ASB2: variants seen among roughly 807,000 people sequenced by gnomAD.
The protein encoded by ASB2 is ankyrin repeat and SOCS box containing 2.
Under a neutral mutation model 62.4 loss-of-function variants are expected in ASB2, and 58 were observed. That is an observed-to-expected ratio of 0.93 (90% CI 0.75 to 1.16). The LOEUF is 1.16. ASB2 is among the 50% of genes most tolerant of loss of function. ASB2 has a pLI of 0.00. For missense variants in ASB2, 928 were observed against 887.9 expected (o/e 1.05, Z -0.57); for synonymous variants, 386 against 385.3 (o/e 1.00, Z -0.02).
At chr14:93,938,832 G>C (rs771746427) in intron 8 of ASB2, among the ~76,000 whole-genome samples, 9 of 152,170 alleles carry the variant, frequency 5.9e-5, no homozygotes, top group Non-Finnish European at 1.0e-4. Flanking sequence ...GCTAACCACC[G>C]GTTCCGCTGC....
chr14:93,942,076 G>C (rs1292704180), intron 7 of ASB2: 1 of 436,244 alleles, frequency 2.3e-6, no homozygotes, highest in Non-Finnish European at 4.7e-6. Context: ...CTATGGGAGC[G>C]GCCACGTTGG....
intron 6 of ASB2, among the ~76,000 whole-genome samples, chr14:93,950,344 T>C (rs796092785): frequency 1.7e-4 from 26 of 152,332 alleles, no homozygotes; most frequent in African/African-American, 5.8e-4. Context: ...AAGTCTGCCA[T>C]GTCTCGTGGT....
intron 4 of ASB2, 172 bp downstream of exon 4, chr14:93,954,145 G>T (rs1889083451): frequency 3.2e-6 from 2 of 615,902 alleles, no homozygotes; most frequent in African/African-American, 3.7e-5. Flanking sequence ...AGGGGGTGGG[G>T]ACAACTCATT....
At position 93,969,667 on chromosome 14, in the gene ASB2, C is replaced by T. The variant is rs147570279; in HGVS notation, c.-73-5055G>A. Among the ~76,000 whole-genome samples, 491 of 152,286 alleles carry T rather than the reference C, an allele frequency of 3.2e-3. 2 individuals carry two copies. The highest frequency in any genetic ancestry group is 0.011 in the African/African-American group (477 of 41,544). ...GCCCTTTCCCAAGGAAAGCAGGAGT[C>T]TAATAGGCCTTGCCCAGCCATCAGG... On this transcript the variant is annotated intron_variant, in intron 1 of 9. Coordinates refer to ENST00000555019, the MANE Select transcript of ASB2 (RefSeq NM_001202429.2).
intron 7 of ASB2, among the ~76,000 whole-genome samples, chr14:93,944,623 G>A (rs994713275): frequency 6.6e-6 from 1 of 152,234 alleles, no homozygotes; most frequent in African/African-American, 2.4e-5. Flanking sequence ...GCTCTGCCTG[G>A]TGGCAGAAGC....
chr14:93,944,320 C>T (rs945797728), intron 7 of ASB2, among the ~76,000 whole-genome samples: 2 of 152,222 alleles, frequency 1.3e-5, no homozygotes, highest in Non-Finnish European at 2.9e-5. Flanking sequence ...AAATGAACAA[C>T]AGGAAAATGC....
intron 5 of ASB2, among the ~76,000 whole-genome samples, chr14:93,952,471 A>T (rs1393047414): frequency 2.6e-5 from 4 of 152,238 alleles, no homozygotes; most frequent in African/African-American, 9.6e-5. Context: ...CTGGATAGAC[A>T]CATGGGAAAT....
intron 1 of ASB2, among the ~76,000 whole-genome samples, chr14:93,975,771 T>A (rs1889893460): frequency 1.3e-5 from 2 of 152,212 alleles, no homozygotes; most frequent in African/African-American, 4.8e-5. Context: ...AGGTCTCTGT[T>A]TCCACCCTGA....
intron 6 of ASB2, among the ~76,000 whole-genome samples, chr14:93,947,995 G>GAGAAA (rs1555428549): frequency 2.8e-5 from 2 of 72,478 alleles, no homozygotes; most frequent in Admixed American, 3.6e-4. Context: ...ACTCCGCCTG[G>GAGAAA]AAAAAAAAAA....
At chr14:93,956,159 G>A (rs532330097) in intron 3 of ASB2, among the ~76,000 whole-genome samples, 3 of 152,312 alleles carry the variant, frequency 2.0e-5, no homozygotes, top group South Asian at 2.1e-4. Flanking sequence ...GTACAGAGAG[G>A]GGAGGGAGGC....
chr14:93,942,082 G>A (rs1451918800), intron 7 of ASB2: 25 of 439,442 alleles, frequency 5.7e-5, no homozygotes, highest in African/African-American at 1.0e-4. Context: ...GAGCGGCCAC[G>A]TTGGTAGCCC....
intron 7 of ASB2, among the ~76,000 whole-genome samples, chr14:93,944,620 C>T (rs1213568975): frequency 1.3e-5 from 2 of 152,348 alleles, no homozygotes; most frequent in Non-Finnish European, 2.9e-5. Flanking sequence ...TGGGCTCTGC[C>T]TGGTGGCAGA....
intron 6 of ASB2, among the ~76,000 whole-genome samples, chr14:93,948,693 GAGGCCA>G (rs1451497772): frequency 6.6e-6 from 1 of 151,272 alleles, no homozygotes; most frequent in Non-Finnish European, 1.5e-5. Context: ...AGCACTTTGG[GAGGCCA>G]AGGCGGGCAG....
intron 8 of ASB2, among the ~76,000 whole-genome samples, chr14:93,938,233 C>CTTTTTTTTTTTTTTTTTT (rs35127276): frequency 1.5e-5 from 1 of 67,586 alleles, no homozygotes; most frequent in Admixed American, 2.0e-4. Flanking sequence ...TAAGTTCTGA[C>CTTTTTTTTTTTTTTTTTT]TTTTTTTTTT....
intron 1 of ASB2, among the ~76,000 whole-genome samples, chr14:93,975,097 G>A (rs1448256455): frequency 1.3e-5 from 2 of 152,268 alleles, no homozygotes; most frequent in East Asian, 3.8e-4. Context: ...GCCACTGTCT[G>A]CCTCATGGTG....
chr14:93,960,953 A>G (rs1209185605), intron 2 of ASB2, among the ~76,000 whole-genome samples: 2 of 137,388 alleles, frequency 1.5e-5, no homozygotes, highest in African/African-American at 3.4e-5. Flanking sequence ...CACTGGAGAT[A>G]AATAAATAAA....
intron 7 of ASB2, 91 bp downstream of exon 7, chr14:93,947,258 G>C: frequency 7.2e-7 from 1 of 1,389,080 alleles, no homozygotes; most frequent in Non-Finnish European, 1.0e-6. Context: ...CCTGTGGGTG[G>C]GACATTCAGG....
In ASB2 at chr14:93,941,332, C is replaced by T. The variant is rs1199438432; in HGVS notation, c.1053-1660G>A. 1.9e-5 allele frequency: 5 copies of T among 262,804 alleles called. No homozygotes were observed. The East Asian group carries it at 6.8e-4, about 36-fold the overall frequency. The allele number at this position is 262,804 out of a possible 1,614,324, so 16.3% of individuals were successfully genotyped here. A position where few individuals can be genotyped will look rare whatever the true frequency, so the allele number is the denominator to read the frequency against. ...GAGGTGGCCATTACAGGGGGTGGGG[C>T]GGTGGGGGAAGGGGAGAGAAGCAGG... On this transcript the variant is annotated intron_variant, in intron 7 of 9. Transcript: ENST00000555019.
At chr14:93,940,601 C>T (rs1888479800) in intron 7 of ASB2, 1 of 152,272 alleles carries the variant, frequency 6.6e-6, no homozygotes, top group Non-Finnish European at 1.5e-5. Context: ...CTGTCAGTCT[C>T]AACGCCTCCT....
Sources: allele counts gnomAD v4.1 joint callset (sites outside exome capture counted in the v4.1 genomes callset), GRCh38; gene constraint gnomAD v4.1.1; transcripts MANE v1.5; gene names NCBI Gene and HGNC (gene_info 2026-07-23, HGNC 2026-07-21).